Variants in WWOX observed in about 807,000 individuals in gnomAD.
WWOX encodes the protein WW domain-containing oxidoreductase.
A neutral mutation model predicts 46.2 loss-of-function variants in WWOX; 69 were observed. That is an observed-to-expected ratio of 1.49 (90% CI 1.23 to 1.82). The LOEUF is 1.82. Among genes scored for constraint, WWOX ranks in the 40% most tolerant of loss-of-function variants. The probability of loss-of-function intolerance (pLI) is 0.00; values close to 1 mark genes in which losing one functional copy is unlikely to be tolerated. For synonymous variants in WWOX, 359 were observed against 202.6 expected (o/e 1.77, Z -6.56); for missense variants, 919 against 542.6 (o/e 1.69, Z -6.89).
At chr16:78,692,418 T>C (rs1462333695) in intron 8 of WWOX, among the ~76,000 whole-genome samples, 2 of 152,204 alleles carry the variant, frequency 1.3e-5, no homozygotes, top group Non-Finnish European at 2.9e-5. Context: ...TTTGTTTCCA[T>C]CAATCCCTCC....
At chr16:79,158,134 G>C (rs899146035) in intron 8 of WWOX, among the ~76,000 whole-genome samples, 2 of 152,186 alleles carry the variant, frequency 1.3e-5, no homozygotes, top group African/African-American at 4.8e-5. Flanking sequence ...TCCCACAAGA[G>C]AGAAGTAGAC....
At chr16:78,475,338 T>C (rs2084326935) in intron 8 of WWOX, among the ~76,000 whole-genome samples, 1 of 152,214 alleles carries the variant, frequency 6.6e-6, no homozygotes, top group African/African-American at 2.4e-5. Context: ...CCAGATTGGC[T>C]GCATCAGCAC....
At chr16:78,832,233 G>A (rs1050953866) in intron 8 of WWOX, among the ~76,000 whole-genome samples, 2 of 152,102 alleles carry the variant, frequency 1.3e-5, no homozygotes, top group African/African-American at 2.4e-5. Flanking sequence ...TTTAGCAGGA[G>A]GCCTCAGTTC....
chr16:79,189,121 G>A (rs937669618), intron 8 of WWOX, among the ~76,000 whole-genome samples: 1 of 152,186 alleles, frequency 6.6e-6, no homozygotes, highest in African/African-American at 2.4e-5. Flanking sequence ...CCTAGGGAGA[G>A]AGATGGTATT....
chr16:79,045,886 C>G (rs2048057019), intron 8 of WWOX, among the ~76,000 whole-genome samples: 1 of 137,984 alleles, frequency 7.2e-6, no homozygotes, highest in African/African-American at 2.7e-5. Flanking sequence ...ACTGCAACCT[C>G]TGCCTCCCGG....
chr16:78,464,319 G>C (rs968700595), intron 8 of WWOX, among the ~76,000 whole-genome samples: 1 of 151,444 alleles, frequency 6.6e-6, no homozygotes, highest in Non-Finnish European at 1.5e-5. Flanking sequence ...AGAGGAAAGA[G>C]GGGAAGGGAG....
intron 8 of WWOX, among the ~76,000 whole-genome samples, chr16:78,537,908 G>C (rs1254912443): frequency 1.3e-5 from 2 of 152,170 alleles, no homozygotes; most frequent in South Asian, 4.1e-4. Context: ...GTGCCAGTGA[G>C]AGCTGCTTTT....
Position 78,406,349 on chromosome 16 carries a change from TA to T in WWOX, c.606-18520del, listed in dbSNP as rs1567553480. 3.6e-4 allele frequency among the ~76,000 whole-genome samples: 37 copies of T among 102,824 alleles called. 1 individual carries two copies. Among genetic ancestry groups the T allele is most frequent in the African/African-American group, 1.2e-3 (22 of 18,138 alleles). The allele number at this position is 102,824 out of a possible 152,430, so 67.5% of individuals were successfully genotyped here. A position where few individuals can be genotyped will look rare whatever the true frequency, so the allele number is the denominator to read the frequency against. ...ATATATATATATATATATATATATA[TA>T]TATATTTTATTATTTTTTTTTGAGA... On this transcript the variant is annotated intron_variant, in intron 6 of 8. Transcript: ENST00000566780.
At chr16:79,187,803 C>A (rs1270789032) in intron 8 of WWOX, among the ~76,000 whole-genome samples, 2 of 152,234 alleles carry the variant, frequency 1.3e-5, no homozygotes, top group Non-Finnish European at 2.9e-5. Flanking sequence ...TGGCCTCCCA[C>A]ATTGCTGGGA....
At chr16:79,166,078 G>A (rs34239330) in intron 8 of WWOX, among the ~76,000 whole-genome samples, 3,857 of 152,314 alleles carry the variant, frequency 0.025, 147 homozygotes, top group Non-Finnish European at 0.028. Context: ...GCATAGACCA[G>A]CTTTACCTCC....
At chr16:78,734,812 G>A (rs563451596) in intron 8 of WWOX, among the ~76,000 whole-genome samples, 56 of 129,512 alleles carry the variant, frequency 4.3e-4, no homozygotes, top group African/African-American at 1.6e-3. Flanking sequence ...AACTCCTTCT[G>A]CCTGATGACT....
At chr16:78,913,446 C>G (rs184172179) in intron 8 of WWOX, among the ~76,000 whole-genome samples, 1 of 151,964 alleles carries the variant, frequency 6.6e-6, no homozygotes, top group South Asian at 2.1e-4. Flanking sequence ...ACCCTCACGG[C>G]TCTTTCCCCT....
intron 5 of WWOX, among the ~76,000 whole-genome samples, chr16:78,361,675 G>A (rs551257929): frequency 7.2e-5 from 11 of 152,156 alleles, no homozygotes; most frequent in Non-Finnish European, 1.2e-4. Context: ...GTAATGGTGC[G>A]ATATCGGCTC....
chr16:78,910,248 G>A (rs2045074090), intron 8 of WWOX, among the ~76,000 whole-genome samples: 2 of 150,156 alleles, frequency 1.3e-5, no homozygotes, highest in Admixed American at 6.6e-5. Flanking sequence ...AGCCAGTGCA[G>A]GTGGATTCCC....
At chr16:78,279,590 C>T (rs1265247862) in intron 5 of WWOX, among the ~76,000 whole-genome samples, 2 of 152,134 alleles carry the variant, frequency 1.3e-5, no homozygotes, top group African/African-American at 4.8e-5. Context: ...CCTTCATTCC[C>T]TAAAGAAAAT....
intron 8 of WWOX, among the ~76,000 whole-genome samples, chr16:79,046,308 C>G (rs946851778): frequency 3.3e-5 from 5 of 152,172 alleles, no homozygotes; most frequent in Non-Finnish European, 7.3e-5. Flanking sequence ...GTAGCACCAG[C>G]ACATAGTAGA....
At chr16:78,164,336 GC>G in intron 5 of WWOX, 47 bp downstream of exon 5, 1 of 1,547,608 alleles carries the variant, frequency 6.5e-7, no homozygotes, top group Non-Finnish European at 8.9e-7. Flanking sequence ...AAATACACAT[GC>G]CGGGCTAACC....
At chr16:78,725,490 G>A (rs1465696452) in intron 8 of WWOX, among the ~76,000 whole-genome samples, 4 of 150,378 alleles carry the variant, frequency 2.7e-5, no homozygotes, top group Non-Finnish European at 5.9e-5. Flanking sequence ...TGGGATTATA[G>A]GCATCTGCCA....
intron 8 of WWOX, among the ~76,000 whole-genome samples, chr16:79,092,156 C>A (rs1482081983): frequency 1.3e-5 from 2 of 152,076 alleles, no homozygotes. Context: ...GGGAGTTTGC[C>A]TGTGTGCAAG....
Sources: allele counts gnomAD v4.1 joint callset (sites outside exome capture counted in the v4.1 genomes callset), GRCh38; gene constraint gnomAD v4.1.1; transcripts MANE v1.5; gene names NCBI Gene and HGNC (gene_info 2026-07-23, HGNC 2026-07-21).